The following HCRTR2 variants were observed in gnomAD, a reference collection of about 807,000 sequenced individuals.
HCRTR2 encodes hypocretin receptor 2.
HCRTR2 carries 22 observed loss-of-function variants against 49.0 expected under a neutral mutation model. The ratio of observed to expected loss-of-function variants is 0.45; its 90% CI spans 0.32 to 0.64. The LOEUF (loss-of-function observed/expected upper bound fraction) is 0.64, where lower values mean the gene tolerates loss of function less well. HCRTR2 is among the 30% of genes least tolerant of loss of function. The pLI, the probability that HCRTR2 is intolerant of heterozygous loss-of-function variation, is 0.04. For synonymous variants in HCRTR2, 236 were observed against 205.3 expected (o/e 1.15, Z -1.28); for missense variants, 491 against 559.4 (o/e 0.88, Z 1.23).
At chr6:55,244,727 A>G (rs964730511) in intron 1 of HCRTR2, among the ~76,000 whole-genome samples, 3 of 151,992 alleles carry the variant, frequency 2.0e-5, no homozygotes, top group Non-Finnish European at 4.4e-5. Context: ...GTAGATATAT[A>G]TGTAGTTCTG....
intron 5 of HCRTR2, 68 bp downstream of exon 5, chr6:55,277,668 T>TA: frequency 8.1e-7 from 1 of 1,239,662 alleles, no homozygotes; most frequent in Non-Finnish European, 1.2e-6. Context: ...AACTTTTTTT[T>TA]TTTTTTTAAC....
At chr6:55,208,329 A>AT (rs796434546) in intron 1 of HCRTR2, among the ~76,000 whole-genome samples, 212 of 141,244 alleles carry the variant, frequency 1.5e-3, no homozygotes, top group African/African-American at 5.2e-3. Flanking sequence ...TAAAAAAATA[A>AT]AAAAAAAAAA....
chr6:55,271,947 A>G (rs1019907289), intron 4 of HCRTR2, among the ~76,000 whole-genome samples: 30 of 152,124 alleles, frequency 2.0e-4, no homozygotes, highest in African/African-American at 7.2e-4. Context: ...GCTTTGGAAA[A>G]CAGTTTGGTA....
intron 1 of HCRTR2, among the ~76,000 whole-genome samples, chr6:55,192,413 G>GCGCGCACACACACACA (rs139180472): frequency 4.4e-4 from 56 of 128,524 alleles, no homozygotes; most frequent in Admixed American, 4.1e-3. Context: ...GCGCGCGCGC[G>GCGCGCACACACACACA]CACACACACA....
chr6:55,160,739 G>A (rs1352744665), intron 1 of HCRTR2, among the ~76,000 whole-genome samples: 4 of 152,118 alleles, frequency 2.6e-5, no homozygotes, highest in Non-Finnish European at 4.4e-5. Flanking sequence ...AGACAACAAA[G>A]GGCATTACAT....
In HCRTR2 at chr6:55,267,890, C is replaced by CA. The variant is rs548406791; in HGVS notation, c.762+4077dup. Among the ~76,000 whole-genome samples, 660 of 149,084 alleles carry CA rather than the reference C, an allele frequency of 4.4e-3. 3 individuals carry two copies. The highest frequency in any genetic ancestry group is 0.014 in the African/African-American group (566 of 40,726). On this transcript the variant is annotated intron_variant, in intron 4 of 6. Coordinates refer to ENST00000370862, the MANE Select transcript of HCRTR2 (RefSeq NM_001384272.1). ...AGGAAGGCAGTAACTCGAGTCCATACAAAAAAAAATAAGGAGCACCAGTAA... is the reference window on the plus strand; with the variant it reads ...AGGAAGGCAGTAACTCGAGTCCATACAAAAAAAAAATAAGGAGCACCAGTAA...
chr6:55,171,580 A>G (rs1399764453), upstream of HCRTR2, among the ~76,000 whole-genome samples: 2 of 152,208 alleles, frequency 1.3e-5, no homozygotes, highest in Admixed American at 1.3e-4. Context: ...AATAATCTGA[A>G]GATTTAAGTG....
At chr6:55,250,808 G>C (rs1244894882) in intron 2 of HCRTR2, among the ~76,000 whole-genome samples, 2 of 152,144 alleles carry the variant, frequency 1.3e-5, no homozygotes, top group African/African-American at 4.8e-5. Context: ...CTGCCTCTCT[G>C]CACACAGTGT....
Position 55,193,536 on chromosome 6 carries a change from CT to C in HCRTR2, c.223+18740del, listed in dbSNP as rs578052261. ...TTGGATTTGAGGGTTTTTTGTTTTT[CT>C]TTTTTTTTTTTTTCCTCTCATTCCA... On this transcript the variant is annotated intron_variant, in intron 1 of 6. Transcript: ENST00000370862. 3.2e-3 allele frequency among the ~76,000 whole-genome samples: 445 copies of C among 140,026 alleles called. 1 individual carries two copies. The highest frequency in any genetic ancestry group is 4.4e-3 in the Non-Finnish European group (281 of 63,772). 91.9% of individuals were successfully genotyped at this position (140,026 alleles called of 152,430 possible).
At chr6:55,217,202 AG>A (rs1257118530) in intron 1 of HCRTR2, among the ~76,000 whole-genome samples, 1 of 152,096 alleles carries the variant, frequency 6.6e-6, no homozygotes, top group Non-Finnish European at 1.5e-5. Flanking sequence ...TTTTCATGAG[AG>A]GGGGCAGTCT....
intron 1 of HCRTR2, among the ~76,000 whole-genome samples, chr6:55,200,519 G>T (rs1204022529): frequency 4.6e-5 from 7 of 151,892 alleles, no homozygotes; most frequent in Admixed American, 2.6e-4. Context: ...TCAGAAGGTG[G>T]GACTCACAAT....
intron 1 of HCRTR2, among the ~76,000 whole-genome samples, chr6:55,152,684 A>C (rs565987901): frequency 2.5e-4 from 38 of 151,972 alleles, no homozygotes; most frequent in Non-Finnish European, 4.7e-4. Context: ...AGAGGGCAAG[A>C]GAGCTCTCTG....
chr6:55,192,165 G>T (rs754548040), intron 1 of HCRTR2, among the ~76,000 whole-genome samples: 2 of 151,944 alleles, frequency 1.3e-5, no homozygotes, highest in African/African-American at 2.4e-5. Context: ...CAGATAACTT[G>T]CATCTCTTTT....
chr6:55,260,055 T>A (rs2127320167), intron 3 of HCRTR2, among the ~76,000 whole-genome samples: 1 of 152,310 alleles, frequency 6.6e-6, no homozygotes, highest in Middle Eastern at 3.4e-3. Flanking sequence ...CATTTAGCAG[T>A]CAATTACATA....
At chr6:55,250,742 A>G (rs770681480) in intron 2 of HCRTR2, among the ~76,000 whole-genome samples, 3 of 152,110 alleles carry the variant, frequency 2.0e-5, no homozygotes, top group Non-Finnish European at 2.9e-5. Context: ...ACACAGCAGA[A>G]CTATTTAACA....
At chr6:55,129,911 C>A (rs1466486712) in intron 1 of HCRTR2, among the ~76,000 whole-genome samples, 1 of 152,006 alleles carries the variant, frequency 6.6e-6, no homozygotes, top group Non-Finnish European at 1.5e-5. Flanking sequence ...TCTCCCTACT[C>A]TTCTATTTCC....
chr6:55,182,844 C>T (rs897984626), intron 1 of HCRTR2, among the ~76,000 whole-genome samples: 2 of 152,292 alleles, frequency 1.3e-5, no homozygotes, highest in African/African-American at 2.4e-5. Flanking sequence ...TCAATCATAT[C>T]GTATCAACCT....
At chr6:55,174,347 C>A (rs1361986551), upstream of HCRTR2, 4 of 552,446 alleles carry the variant, frequency 7.2e-6, no homozygotes, top group African/African-American at 7.6e-5. Context: ...GTGCCGGGTC[C>A]CTAGTTCCTC....
chr6:55,121,536 T>C (rs1472283802), intron 1 of HCRTR2, among the ~76,000 whole-genome samples: 1 of 152,122 alleles, frequency 6.6e-6, no homozygotes, highest in Non-Finnish European at 1.5e-5. Context: ...CCCTGTCTTG[T>C]GCCAGTTTTC....
Sources: gnomAD v4.1 joint callset for allele counts (sites outside exome capture counted in the v4.1 genomes callset) on GRCh38, gnomAD v4.1.1 for gene constraint, MANE v1.5 for transcripts, NCBI Gene and HGNC (gene_info 2026-07-23, HGNC 2026-07-21) for gene names.